The following TNFRSF13B variants were observed in gnomAD, a reference collection of about 807,000 sequenced individuals.
The protein encoded by TNFRSF13B is tumor necrosis factor receptor superfamily member 13B.
A neutral mutation model predicts 24.0 loss-of-function variants in TNFRSF13B; 34 were observed. That is an observed-to-expected ratio of 1.41 (90% CI 1.08 to 1.88). The LOEUF (loss-of-function observed/expected upper bound fraction) is 1.88. TNFRSF13B is among the 40% of genes most tolerant of loss of function. TNFRSF13B has a pLI of 0.00. For synonymous variants in TNFRSF13B, 173 were observed against 150.3 expected (o/e 1.15, Z -1.10); for missense variants, 415 against 380.8 (o/e 1.09, Z -0.75).
At chr17:16,970,110 C>T (rs1317736849) in intron 1 of TNFRSF13B, among the ~76,000 whole-genome samples, 1 of 152,194 alleles carries the variant, frequency 6.6e-6, no homozygotes, top group Non-Finnish European at 1.5e-5. Context: ...GGGCCTGTCC[C>T]CGCCCCCTCC....
chr17:16,939,832 C>G, intron 4 of TNFRSF13B, 35 bp from the exon 5 acceptor site: 1 of 1,601,450 alleles, frequency 6.2e-7, no homozygotes. Context: ...TGGGCCAGGC[C>G]TGGCCCTGCA....
intron 3 of TNFRSF13B, among the ~76,000 whole-genome samples, chr17:16,943,384 C>T (rs772900370): frequency 1.3e-5 from 2 of 152,174 alleles, no homozygotes; most frequent in Admixed American, 6.5e-5. Flanking sequence ...GTCACGGGCA[C>T]CCCCAGTGTC....
rs2087576169 is a variant in TNFRSF13B, at chr17:16,949,839, C to T, written c.200-856G>A. ...TAGCTGGGATTACAGGCGACCACCA[C>T]AACACCCGGCTAATTTTTGTATTTT... On this transcript the variant is annotated intron_variant, in intron 2 of 4. Transcript: ENST00000261652. Among the ~76,000 whole-genome samples the T allele has an allele frequency of 1.3e-5, 2 of 152,216 alleles. 1 individual carries two copies. The highest frequency in any genetic ancestry group is 4.1e-4 in the South Asian group (2 of 4,824).
intron 1 of TNFRSF13B, among the ~76,000 whole-genome samples, chr17:16,962,533 AAAAAGAAAGG>A (rs1022231028): frequency 1.5e-4 from 23 of 152,088 alleles, no homozygotes; most frequent in African/African-American, 5.3e-4. Flanking sequence ...GAAAGAAAAA[AAAAAGAAAGG>A]AAAAGAAAGG....
intron 3 of TNFRSF13B, among the ~76,000 whole-genome samples, chr17:16,944,742 C>T (rs1389544013): frequency 6.6e-6 from 1 of 152,186 alleles, no homozygotes; most frequent in Non-Finnish European, 1.5e-5. Flanking sequence ...TTCCAGGTCC[C>T]ACTAAGGAGT....
chr17:16,956,494 A>G (rs1350768257), intron 1 of TNFRSF13B, among the ~76,000 whole-genome samples: 1 of 152,264 alleles, frequency 6.6e-6, no homozygotes, highest in Non-Finnish European at 1.5e-5. Flanking sequence ...GGCATGTTCA[A>G]TGAGCTTAAG....
At chr17:16,968,512 C>G (rs190480294) in intron 1 of TNFRSF13B, among the ~76,000 whole-genome samples, 1 of 152,300 alleles carries the variant, frequency 6.6e-6, no homozygotes, top group African/African-American at 2.4e-5. Context: ...TATTCACATA[C>G]AAAAGAATGA....
chr17:16,951,113 G>A (rs1597662346), intron 2 of TNFRSF13B, among the ~76,000 whole-genome samples: 3 of 152,342 alleles, frequency 2.0e-5, no homozygotes, highest in Middle Eastern at 6.8e-3. Context: ...TTAATGGGTA[G>A]TGGTTCAGGT....
chr17:16,955,512 A>G (rs1469603096), intron 1 of TNFRSF13B, among the ~76,000 whole-genome samples: 1 of 152,248 alleles, frequency 6.6e-6, no homozygotes, highest in Non-Finnish European at 1.5e-5. Flanking sequence ...CTAGAAAATA[A>G]GAGACAAAAG....
chr17:16,953,621 C>T (rs1206632396), intron 1 of TNFRSF13B, among the ~76,000 whole-genome samples: 3 of 152,172 alleles, frequency 2.0e-5, no homozygotes, highest in Admixed American at 1.3e-4. Flanking sequence ...TCCATGTGGG[C>T]GCTCTCTGCA....
chr17:16,952,391 G>A, intron 2 of TNFRSF13B, 55 bp downstream of exon 2: 1 of 1,612,142 alleles, frequency 6.2e-7, no homozygotes, highest in Non-Finnish European at 8.5e-7. Flanking sequence ...GGTGCTCTAG[G>A]GAGAAAGGAG....
chr17:16,963,135 T>C (rs1483344126), intron 1 of TNFRSF13B, among the ~76,000 whole-genome samples: 2 of 152,164 alleles, frequency 1.3e-5, no homozygotes, highest in African/African-American at 2.4e-5. Context: ...CCCTGTAAGA[T>C]GAGGATGCTG....
intron 1 of TNFRSF13B, among the ~76,000 whole-genome samples, chr17:16,967,052 T>C (rs1255240303): frequency 6.6e-6 from 1 of 152,152 alleles, no homozygotes; most frequent in Non-Finnish European, 1.5e-5. Flanking sequence ...TTGGCCAGGC[T>C]GATCTGGAAC....
chr17:16,950,242 A>G (rs1016674413), intron 2 of TNFRSF13B, among the ~76,000 whole-genome samples: 4 of 152,184 alleles, frequency 2.6e-5, no homozygotes, highest in African/African-American at 9.7e-5. Flanking sequence ...TGGCTGTACC[A>G]CTTGCAGGCA....
At position 16,939,713 on chromosome 17, in the gene TNFRSF13B, G is replaced by A. The variant is rs375891337; in HGVS notation, c.716C>T (p.Ala239Val). 22 of 1,606,302 alleles carry A rather than the reference G, an allele frequency of 1.4e-5. No individual in the cohort carries two copies. Among genetic ancestry groups the A allele is most frequent in the Middle Eastern group, 1.7e-4 (1 of 6,016 alleles). Residue 239 changes from alanine (A) to valine (V), a missense_variant, in exon 5 of 5, where the codon GCG (alanine) becomes GTG (valine). Ala to Val is a moderately conservative substitution (Grantham distance 64, BLOSUM62 0). Transcript: ENST00000261652. ...TCSFCFPECR[A>V]PTQESAVTPG... is the part of the protein sequence containing the mutation. ...CGTGACTGCGCTCTCCTGCGTGGGC[G>A]CCCTGCACTCAGGGAAGCAGAAGCT...
chr17:16,943,937 G>A lies in TNFRSF13B; in HGVS notation c.446-3426C>T, dbSNP rs1020386744. Reference sequence around the variant, plus strand: ...AAGCTCCTCGCGTCGGCCTGGAGTCGTCGCAGTAGAACCCCACGCCAGTCT... The same window carrying A: ...AAGCTCCTCGCGTCGGCCTGGAGTCATCGCAGTAGAACCCCACGCCAGTCT... On this transcript the variant is annotated intron_variant, in intron 3 of 4. Coordinates refer to ENST00000261652, the MANE Select transcript of TNFRSF13B (RefSeq NM_012452.3). 8.5e-5 allele frequency among the ~76,000 whole-genome samples: 13 copies of A among 152,292 alleles called. 1 individual carries two copies. Among genetic ancestry groups the A allele is most frequent in the African/African-American group, 2.4e-4 (10 of 41,580 alleles).
intron 1 of TNFRSF13B, among the ~76,000 whole-genome samples, chr17:16,957,902 A>T (rs1166471862): frequency 1.3e-5 from 2 of 152,188 alleles, no homozygotes; most frequent in Admixed American, 6.5e-5. Flanking sequence ...TACCTTGAAG[A>T]CATAAGAAAA....
chr17:16,943,021 G>A (rs2087522846), intron 3 of TNFRSF13B, among the ~76,000 whole-genome samples: 1 of 152,250 alleles, frequency 6.6e-6, no homozygotes. Flanking sequence ...TCCCAGTGGA[G>A]AGGGGCAAGC....
Position 16,939,591 on chromosome 17 carries a change from C to A in TNFRSF13B, c.838G>T (p.Gly280Cys). ...TCCTGGGCAGGCACACACACAATGC[C>A]AAGGCCACTGTCTGGGATGTGTGGG... is the stretch of plus-strand genomic sequence containing the variant. ...PCPHIPDSGL[G>C]IVCVPAQEGG... The change falls in exon 5 of 5, where the codon GGC becomes TGC. Residue 280 changes from glycine (G) to cysteine (C), a missense_variant. By Grantham distance (159) the Gly-to-Cys change is radical. Coordinates refer to ENST00000261652, the MANE Select transcript of TNFRSF13B (RefSeq NM_012452.3). 6.2e-7 allele frequency: 1 copy of A among 1,613,570 alleles called. No individual in the cohort carries two copies. Among genetic ancestry groups the A allele is most frequent in the Non-Finnish European group, 8.5e-7 (1 of 1,179,764 alleles).
Sources: allele counts gnomAD v4.1 joint callset (sites outside exome capture counted in the v4.1 genomes callset), GRCh38; gene constraint gnomAD v4.1.1; transcripts MANE v1.5; gene names NCBI Gene and HGNC (gene_info 2026-07-23, HGNC 2026-07-21).